Variants in KCTD16 observed in about 807,000 individuals in gnomAD.
The protein encoded by KCTD16 is BTB/POZ domain-containing protein KCTD16.
In KCTD16, 13 loss-of-function variants were observed where a neutral mutation model predicts 33.2. The ratio of observed to expected loss-of-function variants is 0.39; its 90% confidence interval spans 0.25 to 0.62. The LOEUF is 0.62. KCTD16 is among the 20% of genes least tolerant of loss of function. The pLI is 0.50. For missense variants in KCTD16, 441 were observed against 525.1 expected (o/e 0.84, Z 1.57); for synonymous variants, 197 against 195.3 (o/e 1.01, Z -0.07).
chr5:144,474,122 C>A lies in KCTD16; in HGVS notation c.*8C>A. The A allele has an allele frequency of 6.7e-7, 1 of 1,487,470 alleles. No individual in the cohort carries two copies. Among genetic ancestry groups the A allele is most frequent in the Non-Finnish European group, 9.2e-7 (1 of 1,091,816 alleles). 92.1% of individuals were successfully genotyped at this position (1,487,470 alleles called of 1,614,324 possible). A position where few individuals can be genotyped will look rare whatever the true frequency, so the allele number is the denominator to read the frequency against. On this transcript the variant is annotated 3_prime_UTR_variant, in exon 4 of 4. Coordinates refer to ENST00000512467, the MANE Select transcript of KCTD16 (RefSeq NM_020768.4). ...AGGAAGTATCATCTATAAGGGAGGG[C>A]TGGGGGCGGGAAAAGAAAAAAAAAA...
chr5:144,232,029 G>A (rs1471611091), intron 3 of KCTD16, among the ~76,000 whole-genome samples: 3 of 152,160 alleles, frequency 2.0e-5, no homozygotes, highest in Non-Finnish European at 4.4e-5. Flanking sequence ...AGGCTGAACT[G>A]TGAATCGATA....
At chr5:144,330,402 A>G (rs1752326548) in intron 3 of KCTD16, among the ~76,000 whole-genome samples, 1 of 137,154 alleles carries the variant, frequency 7.3e-6, no homozygotes, top group Non-Finnish European at 1.6e-5. Context: ...AACAAGAGCG[A>G]AACTCCATCA....
At chr5:144,223,826 G>T (rs553861155) in intron 3 of KCTD16, among the ~76,000 whole-genome samples, 1 of 152,226 alleles carries the variant, frequency 6.6e-6, no homozygotes. Flanking sequence ...AGCTTTTAAA[G>T]TGGTGCTGTT....
chr5:144,397,317 C>A (rs866839691), intron 3 of KCTD16, among the ~76,000 whole-genome samples: 11 of 152,010 alleles, frequency 7.2e-5, no homozygotes, highest in South Asian at 2.1e-4. Context: ...TTAATCCAGT[C>A]TATCATTGTT....
intron 3 of KCTD16, among the ~76,000 whole-genome samples, chr5:144,398,736 A>G (rs549660502): frequency 6.8e-6 from 1 of 146,852 alleles, no homozygotes; most frequent in East Asian, 1.9e-4. Flanking sequence ...TCTCTCTTAT[A>G]TAAATGTACC....
intron 3 of KCTD16, among the ~76,000 whole-genome samples, chr5:144,372,602 A>C (rs77159976): frequency 0.069 from 10,509 of 152,210 alleles, 1,179 homozygotes; most frequent in African/African-American, 0.23. Flanking sequence ...TTTACAGAGG[A>C]GGCAACTCCT....
At chr5:144,275,810 C>T (rs1232830183) in intron 3 of KCTD16, among the ~76,000 whole-genome samples, 1 of 152,120 alleles carries the variant, frequency 6.6e-6, no homozygotes, top group Non-Finnish European at 1.5e-5. Context: ...GAGATCATTT[C>T]AGGACTGTGT....
chr5:144,205,737 C>T, intron 2 of KCTD16: 1 of 396,246 alleles, frequency 2.5e-6, no homozygotes, highest in Non-Finnish European at 4.4e-6. Flanking sequence ...TGCTTTACTT[C>T]TTCAACCCAA....
At chr5:144,384,891 A>T (rs1002966367) in intron 3 of KCTD16, among the ~76,000 whole-genome samples, 1 of 152,212 alleles carries the variant, frequency 6.6e-6, no homozygotes, top group Non-Finnish European at 1.5e-5. Context: ...TGTAAGGAAG[A>T]GTCAATATAA....
chr5:144,474,635 C>G lies in KCTD16; in HGVS notation c.*521C>G, dbSNP rs921838529. 1.3e-5 allele frequency: 2 copies of G among 158,622 alleles called. No homozygotes were observed. Among genetic ancestry groups the G allele is most frequent in the African/African-American group, 4.8e-5 (2 of 41,460 alleles). The allele number at this position is 158,622 out of a possible 1,614,324, so 9.8% of individuals were successfully genotyped here. On this transcript the variant is annotated 3_prime_UTR_variant, in exon 4 of 4. Coordinates refer to ENST00000512467, the MANE Select transcript of KCTD16 (RefSeq NM_020768.4). The stretch of plus-strand genomic sequence containing the variant: ...TGCCAGTTTATATTGACTCCGTATG[C>G]ATGAGTATTTGTGCAACACAAGCAC...
chr5:144,341,365 A>G (rs537371863), intron 3 of KCTD16, among the ~76,000 whole-genome samples: 4 of 152,216 alleles, frequency 2.6e-5, no homozygotes, highest in African/African-American at 9.6e-5. Context: ...AATCAGACAT[A>G]TATATGCGGG....
At chr5:144,337,894 C>T (rs539566972) in intron 3 of KCTD16, among the ~76,000 whole-genome samples, 3 of 152,146 alleles carry the variant, frequency 2.0e-5, no homozygotes, top group African/African-American at 7.2e-5. Context: ...CTTTGGGTGA[C>T]ATATGAAATG....
At chr5:144,407,206 T>TG (rs1336706839) in intron 3 of KCTD16, among the ~76,000 whole-genome samples, 2 of 148,182 alleles carry the variant, frequency 1.3e-5, no homozygotes, top group Non-Finnish European at 2.9e-5. Context: ...TTCCTGTTTT[T>TG]TTTTTTTTTT....
intron 3 of KCTD16, among the ~76,000 whole-genome samples, chr5:144,232,552 A>G (rs1754135185): frequency 6.6e-6 from 1 of 152,226 alleles, no homozygotes. Flanking sequence ...TGCTGCCAGA[A>G]GGCCAAGCTA....
intron 3 of KCTD16, among the ~76,000 whole-genome samples, chr5:144,307,328 A>G (rs1751629518): frequency 2.0e-5 from 3 of 152,188 alleles, no homozygotes; most frequent in Admixed American, 2.0e-4. Context: ...GGCCTCGCTC[A>G]CAGCAGCATT....
At chr5:144,245,647 A>G (rs1754529003) in intron 3 of KCTD16, among the ~76,000 whole-genome samples, 1 of 152,126 alleles carries the variant, frequency 6.6e-6, no homozygotes, top group South Asian at 2.1e-4. Context: ...AGGTGATTGG[A>G]TCATGGAGGC....
At chr5:144,467,076 T>C (rs1291613802) in intron 3 of KCTD16, among the ~76,000 whole-genome samples, 16 of 133,450 alleles carry the variant, frequency 1.2e-4, no homozygotes, top group Middle Eastern at 3.7e-3. Flanking sequence ...ATATATAATA[T>C]ATATAGTGTT....
intron 2 of KCTD16, among the ~76,000 whole-genome samples, chr5:144,194,678 G>C (rs1580779395): frequency 6.6e-6 from 1 of 152,174 alleles, no homozygotes; most frequent in East Asian, 1.9e-4. Flanking sequence ...CTCTGTATGG[G>C]AAGTACAATT....
intron 3 of KCTD16, among the ~76,000 whole-genome samples, chr5:144,452,054 TA>T (rs150107791): frequency 0.032 from 4,830 of 151,642 alleles, 227 homozygotes; most frequent in African/African-American, 0.11. Flanking sequence ...TCTAAGCCTT[TA>T]GCTGGTTCTA....
Sources: gnomAD v4.1 joint callset for allele counts (sites outside exome capture counted in the v4.1 genomes callset) on GRCh38, gnomAD v4.1.1 for gene constraint, MANE v1.5 for transcripts, NCBI Gene and HGNC (gene_info 2026-07-23, HGNC 2026-07-21) for gene names.